Variants in PTPRD observed in about 807,000 individuals in gnomAD.
The protein encoded by PTPRD is protein tyrosine phosphatase receptor type D, also known as receptor-type tyrosine-protein phosphatase delta.
Under a neutral mutation model 214.5 loss-of-function variants are expected in PTPRD, and 34 were observed. The ratio of observed to expected loss-of-function variants is 0.16; its 90% CI spans 0.12 to 0.21. PTPRD has a LOEUF of 0.21. Among genes scored for constraint, PTPRD ranks in the 10% least tolerant of loss-of-function variants. PTPRD has a pLI of 1.00. For synonymous variants in PTPRD, 1,128 were observed against 845.7 expected, an observed-to-expected ratio of 1.33 and a Z score of -5.79; for missense variants, 2,545 against 2,398.7, an observed-to-expected ratio of 1.06 and a Z score of -1.27.
intron 7 of PTPRD, among the ~76,000 whole-genome samples, chr9:9,596,771 G>C (rs1230129922): frequency 1.3e-5 from 2 of 151,952 alleles, no homozygotes; most frequent in African/African-American, 4.8e-5. Context: ...AATAATGTTA[G>C]CTTAAGTTAA....
At chr9:10,518,579 C>G (rs941204933) in intron 2 of PTPRD, among the ~76,000 whole-genome samples, 2 of 151,600 alleles carry the variant, frequency 1.3e-5, no homozygotes, top group Admixed American at 6.6e-5. Context: ...GTCACCCAGG[C>G]TGGAGTGCAG....
chr9:10,601,494 T>A (rs1262502856), intron 2 of PTPRD, among the ~76,000 whole-genome samples: 1 of 151,796 alleles, frequency 6.6e-6, no homozygotes, highest in Non-Finnish European at 1.5e-5. Context: ...TCTGTTTGTC[T>A]GTGGAGACCT....
In PTPRD at chr9:9,759,062, A is replaced by G. The variant is rs561182812; in HGVS notation, c.-326+7748T>C. On this transcript the variant is annotated intron_variant, in intron 6 of 45. Coordinates refer to ENST00000381196, the MANE Select transcript of PTPRD (RefSeq NM_002839.4). ...ATACCCTCAAGATTTCAGACTTTTTATCAAACCAATTTTGATGATTTCCGT... is the reference window on the plus strand; with the variant it reads ...ATACCCTCAAGATTTCAGACTTTTTGTCAAACCAATTTTGATGATTTCCGT... Among the ~76,000 whole-genome samples the G allele has an allele frequency of 2.9e-3, 443 of 152,242 alleles. 2 individuals carry two copies. The highest frequency in any genetic ancestry group is 0.01 in the African/African-American group (420 of 41,538).
chr9:10,234,937 T>C (rs1362803772), intron 3 of PTPRD, among the ~76,000 whole-genome samples: 1 of 151,876 alleles, frequency 6.6e-6, no homozygotes, highest in African/African-American at 2.4e-5. Context: ...ATTATAATAG[T>C]TATAGTTAGA....
intron 3 of PTPRD, among the ~76,000 whole-genome samples, chr9:10,058,061 G>A (rs1021930437): frequency 5.3e-5 from 8 of 152,074 alleles, no homozygotes; most frequent in African/African-American, 1.9e-4. Context: ...TGTGTGTAGT[G>A]CTGAGAAGAC....
intron 23 of PTPRD, among the ~76,000 whole-genome samples, chr9:8,501,996 G>T (rs1034127214): frequency 1.3e-5 from 2 of 151,962 alleles, no homozygotes; most frequent in African/African-American, 4.8e-5. Context: ...AACTGGAAAA[G>T]ATATAATTTC....
At chr9:8,574,767 T>G (rs899366155) in intron 14 of PTPRD, among the ~76,000 whole-genome samples, 5 of 152,074 alleles carry the variant, frequency 3.3e-5, no homozygotes, top group African/African-American at 1.2e-4. Context: ...TAAAACTCAA[T>G]TAATTGCTTA....
At chr9:9,275,558 G>C (rs1008788494) in intron 9 of PTPRD, among the ~76,000 whole-genome samples, 1 of 151,108 alleles carries the variant, frequency 6.6e-6, no homozygotes, top group African/African-American at 2.4e-5. Context: ...TGGCTGGTAA[G>C]AGCCTAGATT....
chr9:9,672,685 T>C (rs1210791363), intron 7 of PTPRD, among the ~76,000 whole-genome samples: 1 of 152,062 alleles, frequency 6.6e-6, no homozygotes, highest in East Asian at 1.9e-4. Flanking sequence ...ATTTATTCTC[T>C]ACAGAAATCC....
chr9:10,472,989 T>A (rs2382217), intron 2 of PTPRD, among the ~76,000 whole-genome samples: 121,889 of 151,930 alleles, frequency 0.8, 49,338 homozygotes, highest in East Asian at 0.92. Context: ...TTTAATACAT[T>A]ATTTCTTAAT....
At chr9:8,345,948 T>G (rs1279268706) in intron 39 of PTPRD, among the ~76,000 whole-genome samples, 1 of 152,136 alleles carries the variant, frequency 6.6e-6, no homozygotes, top group Non-Finnish European at 1.5e-5. Context: ...TCTGTCCTTC[T>G]TTCTCTCAGT....
chr9:8,804,471 G>A (rs1408487537), intron 11 of PTPRD, among the ~76,000 whole-genome samples: 1 of 151,922 alleles, frequency 6.6e-6, no homozygotes, highest in Non-Finnish European at 1.5e-5. Flanking sequence ...GGTGGTGCAT[G>A]CCTGTGGTCC....
chr9:10,355,748 G>A (rs1050076526), intron 2 of PTPRD, among the ~76,000 whole-genome samples: 1 of 152,030 alleles, frequency 6.6e-6, no homozygotes, highest in African/African-American at 2.4e-5. Flanking sequence ...AAAGCGCTGG[G>A]ATTACAGGCG....
chr9:9,962,417 T>C (rs1419592096), intron 4 of PTPRD, among the ~76,000 whole-genome samples: 1 of 152,066 alleles, frequency 6.6e-6, no homozygotes, highest in African/African-American at 2.4e-5. Context: ...AACAAATCCT[T>C]TATAAAGAAA....
intron 2 of PTPRD, among the ~76,000 whole-genome samples, chr9:10,611,421 A>G (rs2080934270): frequency 6.6e-6 from 1 of 152,224 alleles, no homozygotes; most frequent in African/African-American, 2.4e-5. Flanking sequence ...TGAGTCAACT[A>G]TATTTTTCCT....
intron 10 of PTPRD, among the ~76,000 whole-genome samples, chr9:9,123,008 T>TTTG (rs796995198): frequency 2.4e-4 from 37 of 152,214 alleles, no homozygotes; most frequent in South Asian, 8.3e-4. Context: ...ATTCACTGTT[T>TTTG]TTGTTGTTGT....
At chr9:9,268,292 G>A (rs904454186) in intron 9 of PTPRD, among the ~76,000 whole-genome samples, 18 of 150,602 alleles carry the variant, frequency 1.2e-4, no homozygotes, top group South Asian at 8.3e-4. Context: ...AAATACTTAC[G>A]AATTAATTTA....
chr9:8,820,362 A>G (rs2097026714), intron 11 of PTPRD, among the ~76,000 whole-genome samples: 1 of 152,156 alleles, frequency 6.6e-6, no homozygotes, highest in Non-Finnish European at 1.5e-5. Flanking sequence ...TAAATTTAAT[A>G]TGAGGAAGAG....
At chr9:10,053,602 C>T (rs1408658017) in intron 3 of PTPRD, among the ~76,000 whole-genome samples, 3 of 152,090 alleles carry the variant, frequency 2.0e-5, no homozygotes, top group Non-Finnish European at 4.4e-5. Flanking sequence ...AGCAGTTGAA[C>T]CCTGGCAACT....
Sources: gnomAD v4.1 joint callset for allele counts (sites outside exome capture counted in the v4.1 genomes callset) on GRCh38, gnomAD v4.1.1 for gene constraint, MANE v1.5 for transcripts, NCBI Gene and HGNC (gene_info 2026-07-23, HGNC 2026-07-21) for gene names.